The following ZNF236 variants were observed in gnomAD, a reference collection of about 807,000 sequenced individuals.
The protein encoded by ZNF236 is regulated by glucose.
ZNF236 carries 50 observed loss-of-function variants against 191.2 expected under a neutral mutation model. The observed-to-expected ratio is 0.26, with a 90% CI of 0.21 to 0.33. The LOEUF (loss-of-function observed/expected upper bound fraction) is 0.33. ZNF236 is among the 10% of genes least tolerant of loss of function. The probability of loss-of-function intolerance (pLI) is 1.00; values close to 1 mark genes in which losing one functional copy is unlikely to be tolerated. For missense variants in ZNF236, 1,754 were observed against 2,374.5 expected (o/e 0.74, Z 5.43); for synonymous variants, 907 against 928.8 (o/e 0.98, Z 0.43).
intron 4 of ZNF236, among the ~76,000 whole-genome samples, chr18:76,870,085 C>T (rs1416746008): frequency 6.6e-6 from 1 of 152,216 alleles, no homozygotes; most frequent in Non-Finnish European, 1.5e-5. Flanking sequence ...CAAGAAGTTC[C>T]GTGCCAGTTG....
At chr18:76,855,128 T>C (rs1053333835) in intron 3 of ZNF236, among the ~76,000 whole-genome samples, 21 of 152,230 alleles carry the variant, frequency 1.4e-4, no homozygotes, top group Non-Finnish European at 2.5e-4. Context: ...TTCGCCATGT[T>C]GGCCAGGCTA....
chr18:76,902,760 AT>A (rs915138443), intron 11 of ZNF236, among the ~76,000 whole-genome samples: 63 of 150,442 alleles, frequency 4.2e-4, no homozygotes, highest in African/African-American at 1.4e-3. Flanking sequence ...TTGTATTTTT[AT>A]TTTTTTTTAA....
intron 13 of ZNF236, among the ~76,000 whole-genome samples, chr18:76,906,635 C>G (rs1301500316): frequency 6.6e-6 from 1 of 152,222 alleles, no homozygotes; most frequent in Non-Finnish European, 1.5e-5. Context: ...TATGGGTGTT[C>G]AGGCCCTTGT....
chr18:76,846,396 G>A (rs944322750), intron 1 of ZNF236, among the ~76,000 whole-genome samples: 2 of 152,218 alleles, frequency 1.3e-5, no homozygotes, highest in Non-Finnish European at 1.5e-5. Context: ...TGAGCAGAAG[G>A]AAAGCAAGCG....
intron 3 of ZNF236, among the ~76,000 whole-genome samples, chr18:76,863,772 TAA>T (rs922108202): frequency 6.6e-6 from 1 of 151,972 alleles, no homozygotes; most frequent in Non-Finnish European, 1.5e-5. Context: ...GAAGGAGAAA[TAA>T]AGACATTCTT....
chr18:76,965,150 CT>C (rs1968742100), intron 30 of ZNF236, among the ~76,000 whole-genome samples: 1 of 152,090 alleles, frequency 6.6e-6, no homozygotes, highest in African/African-American at 2.4e-5. Flanking sequence ...CTCTGAATTT[CT>C]TTCTTGTACT....
intron 1 of ZNF236, among the ~76,000 whole-genome samples, chr18:76,823,199 G>C (rs1185431399): frequency 6.6e-6 from 1 of 152,060 alleles, no homozygotes; most frequent in Admixed American, 6.5e-5. Context: ...GGAGCGCGGG[G>C]TCGTGCACAC....
intron 9 of ZNF236, among the ~76,000 whole-genome samples, chr18:76,883,756 C>T (rs1976967543): frequency 6.6e-6 from 1 of 152,056 alleles, no homozygotes; most frequent in African/African-American, 2.4e-5. Flanking sequence ...TAAAGATGTT[C>T]CTTTTAATTA....
In ZNF236 at chr18:76,949,987, C is replaced by A. The variant is rs185817659; in HGVS notation, c.4914+2335C>A. Among the ~76,000 whole-genome samples, 144 of 152,092 alleles carry A rather than the reference C, an allele frequency of 9.5e-4. 1 individual carries two copies. Among genetic ancestry groups the A allele is most frequent in the African/African-American group, 3.1e-3 (128 of 41,474 alleles). On this transcript the variant is annotated intron_variant, in intron 27 of 30. Coordinates refer to ENST00000320610, the MANE Select transcript of ZNF236 (RefSeq NM_001306089.2). Reference sequence around the variant, plus strand: ...TACGTTTTTTTTTTAAATGTACATACCTTAATTTAAAAATACCTTATTGCT... The same window carrying A: ...TACGTTTTTTTTTTAAATGTACATAACTTAATTTAAAAATACCTTATTGCT...
chr18:76,962,088 T>A (rs879868776), intron 30 of ZNF236, among the ~76,000 whole-genome samples: 1 of 151,864 alleles, frequency 6.6e-6, no homozygotes, highest in African/African-American at 2.4e-5. Context: ...TCCCAGCTAT[T>A]TATCTTTGTT....
intron 25 of ZNF236, among the ~76,000 whole-genome samples, chr18:76,935,507 G>T (rs563053491): frequency 1.5e-4 from 23 of 152,316 alleles, no homozygotes; most frequent in African/African-American, 4.1e-4. Flanking sequence ...GGTGGGAGTG[G>T]GGAGAAGATC....
chr18:76,916,657 C>T (rs186554721), intron 19 of ZNF236, among the ~76,000 whole-genome samples: 3 of 152,340 alleles, frequency 2.0e-5, no homozygotes, highest in Admixed American at 1.3e-4. Context: ...TATATTTTGA[C>T]ACGTTGCGCC....
intron 9 of ZNF236, chr18:76,886,554 G>C: frequency 1.0e-5 from 2 of 190,650 alleles, no homozygotes; most frequent in South Asian, 2.1e-4. Flanking sequence ...TAGCAAGCCT[G>C]CTGCTCCTGC....
intron 9 of ZNF236, 66 bp downstream of exon 9, chr18:76,881,578 G>T: frequency 1.4e-6 from 2 of 1,406,284 alleles, no homozygotes; most frequent in Admixed American, 4.2e-5. Flanking sequence ...TAAGAAATGT[G>T]CCCTTCTTTT....
At chr18:76,923,227 A>G (rs1252561233) in intron 21 of ZNF236, 53 bp downstream of exon 21, 7 of 1,248,308 alleles carry the variant, frequency 5.6e-6, no homozygotes, top group Non-Finnish European at 8.2e-6. Flanking sequence ...AGCATTTCGT[A>G]TGTTTTGTTC....
At chr18:76,905,650 TGAA>T (rs1226442802) in intron 13 of ZNF236, among the ~76,000 whole-genome samples, 1 of 152,164 alleles carries the variant, frequency 6.6e-6, no homozygotes, top group Non-Finnish European at 1.5e-5. Context: ...AATTTAATAA[TGAA>T]GTAGTTTATA....
chr18:76,899,258 G>T, intron 11 of ZNF236, 36 bp downstream of exon 11: 3 of 1,560,644 alleles, frequency 1.9e-6, no homozygotes, highest in South Asian at 1.1e-5. Context: ...ATAATTTATT[G>T]AGTACTATTT....
chr18:76,828,522 T>C (rs1016737638), intron 1 of ZNF236, among the ~76,000 whole-genome samples: 23 of 152,234 alleles, frequency 1.5e-4, no homozygotes, highest in Admixed American at 1.4e-3. Flanking sequence ...CCCTCAGGCT[T>C]CTGGTAACAG....
chr18:76,904,366 C>G lies in ZNF236; in HGVS notation c.1895-14C>G. 1 of 1,584,808 alleles carries G rather than the reference C, an allele frequency of 6.3e-7. No individual in the cohort carries two copies. The highest frequency in any genetic ancestry group is 8.6e-7 in the Non-Finnish European group (1 of 1,167,834). The stretch of plus-strand genomic sequence containing the variant: ...TTGACAGTGAATTACATCTGCTTTT[C>G]TTTTGCTTTGTAGGTCTCATCCAGC... On this transcript the variant is annotated splice_polypyrimidine_tract_variant and intron_variant, in intron 11 of 30. Coordinates refer to ENST00000320610, the MANE Select transcript of ZNF236 (RefSeq NM_001306089.2).
Sources: allele counts gnomAD v4.1 joint callset (sites outside exome capture counted in the v4.1 genomes callset), GRCh38; gene constraint gnomAD v4.1.1; transcripts MANE v1.5; gene names NCBI Gene and HGNC (gene_info 2026-07-23, HGNC 2026-07-21).